CTNNA2: variants seen among roughly 807,000 people sequenced by gnomAD.
CTNNA2 encodes the protein catenin alpha-2.
Under a neutral mutation model 101.0 loss-of-function variants are expected in CTNNA2, and 42 were observed. The observed-to-expected ratio is 0.42, with a 90% confidence interval of 0.32 to 0.54. The LOEUF is 0.54. Ranked by LOEUF, CTNNA2 falls within the 20% of genes least tolerant of loss-of-function variation. CTNNA2 has a pLI of 0.14. For synonymous variants in CTNNA2, 450 were observed against 456.4 expected (o/e 0.99, Z 0.18); for missense variants, 871 against 1,223.1 (o/e 0.71, Z 4.29).
At chr2:80,203,638 A>C (rs572994216) in intron 7 of CTNNA2, among the ~76,000 whole-genome samples, 17 of 152,156 alleles carry the variant, frequency 1.1e-4, no homozygotes, top group Non-Finnish European at 2.2e-4. Flanking sequence ...GGCTGCTTTC[A>C]CAGGCTGGTT....
chr2:80,444,987 C>A (rs1682946055), intron 9 of CTNNA2, among the ~76,000 whole-genome samples: 1 of 152,140 alleles, frequency 6.6e-6, no homozygotes, highest in African/African-American at 2.4e-5. Flanking sequence ...AATATATCCA[C>A]ACGTTGCCCA....
At chr2:80,395,959 C>G (rs915532547) in intron 8 of CTNNA2, among the ~76,000 whole-genome samples, 3 of 152,154 alleles carry the variant, frequency 2.0e-5, no homozygotes, top group African/African-American at 7.2e-5. Flanking sequence ...CCTCATAGCG[C>G]TAAGTTTGGG....
At chr2:79,433,486 C>T (rs1678677872) in intron 4 of CTNNA2, among the ~76,000 whole-genome samples, 1 of 152,008 alleles carries the variant, frequency 6.6e-6, no homozygotes, top group Non-Finnish European at 1.5e-5. Flanking sequence ...TTCATATAAA[C>T]ACCAGGCCTA....
intron 7 of CTNNA2, among the ~76,000 whole-genome samples, chr2:80,123,606 C>A (rs753061904): frequency 2.0e-5 from 3 of 152,190 alleles, no homozygotes; most frequent in Admixed American, 2.0e-4. Flanking sequence ...ACAATCGTTT[C>A]TCAAATCTGA....
At chr2:80,620,968 T>C (rs1671059223) in intron 18 of CTNNA2, among the ~76,000 whole-genome samples, 1 of 151,970 alleles carries the variant, frequency 6.6e-6, no homozygotes, top group African/African-American at 2.4e-5. Flanking sequence ...TATAGTGATG[T>C]TCAGTGTTTT....
At chr2:79,867,830 G>A (rs1682259182) in intron 4 of CTNNA2, among the ~76,000 whole-genome samples, 1 of 152,008 alleles carries the variant, frequency 6.6e-6, no homozygotes, top group Non-Finnish European at 1.5e-5. Context: ...CTCTTCCCTG[G>A]AACCAGTTTT....
At chr2:79,777,214 G>T (rs1412358966) in intron 3 of CTNNA2, 2 of 151,776 alleles carry the variant, frequency 1.3e-5, no homozygotes, top group African/African-American at 4.8e-5. Context: ...GGTCCTCATG[G>T]GGCCCCTACC....
intron 7 of CTNNA2, among the ~76,000 whole-genome samples, chr2:79,932,179 A>C (rs747160647): frequency 2.6e-5 from 4 of 152,090 alleles, no homozygotes; most frequent in Non-Finnish European, 5.9e-5. Flanking sequence ...CTGAGCCCTA[A>C]AGGCTATGGG....
At chr2:80,013,218 A>C (rs1452229226) in intron 7 of CTNNA2, among the ~76,000 whole-genome samples, 1 of 152,150 alleles carries the variant, frequency 6.6e-6, no homozygotes, top group Non-Finnish European at 1.5e-5. Context: ...AACCCCTGGT[A>C]GTTTACATTC....
chr2:80,430,225 T>G (rs769618654), intron 9 of CTNNA2, among the ~76,000 whole-genome samples: 5 of 152,108 alleles, frequency 3.3e-5, no homozygotes, highest in Non-Finnish European at 5.9e-5. Flanking sequence ...CAAAGAAATA[T>G]CCAGAAAATA....
At position 79,949,736 on chromosome 2, in the gene CTNNA2, C is replaced by A. The variant is rs1284190593; in HGVS notation, c.1056+39939C>A. Among the ~76,000 whole-genome samples the A allele has an allele frequency of 3.3e-5, 5 of 152,268 alleles. No homozygotes were observed. In the East Asian group the frequency reaches 9.6e-4, roughly 29 times the overall value. On this transcript the variant is annotated intron_variant, in intron 7 of 18. Coordinates refer to ENST00000402739, the MANE Select transcript of CTNNA2 (RefSeq NM_001282597.3). Reference sequence around the variant, plus strand: ...GAGGCTGTAGGGACCCATGATCACACCACTGCCCTCCAGCCTGGGTGAAAG... The same window carrying A: ...GAGGCTGTAGGGACCCATGATCACAACACTGCCCTCCAGCCTGGGTGAAAG...
intron 3 of CTNNA2, among the ~76,000 whole-genome samples, chr2:79,344,847 A>ATTATATATATAATATATTATAT (rs1677223139): frequency 1.4e-5 from 2 of 145,218 alleles, no homozygotes; most frequent in Non-Finnish European, 1.5e-5. Flanking sequence ...TAATACAAAT[A>ATTATATATATAATATATTATAT]TTATATATAT....
rs1392100636 is a variant in CTNNA2, at chr2:80,341,702, C to T, written c.1057-51509C>T. 3.3e-5 allele frequency among the ~76,000 whole-genome samples: 5 copies of T among 152,100 alleles called. No individual in the cohort carries two copies. In the East Asian group the frequency reaches 7.7e-4, roughly 23 times the overall value. On this transcript the variant is annotated intron_variant, in intron 7 of 18. Coordinates refer to ENST00000402739, the MANE Select transcript of CTNNA2 (RefSeq NM_001282597.3). ...GGTACAGCTACTTTGCAAAATAGTT[C>T]GGTAGGTTCTCAAGTTGCTAAATAT...
chr2:79,331,997 T>C (rs1676883837), intron 3 of CTNNA2, among the ~76,000 whole-genome samples: 1 of 152,116 alleles, frequency 6.6e-6, no homozygotes, highest in Non-Finnish European at 1.5e-5. Context: ...TAAATATATG[T>C]CATGACATAT....
chr2:80,119,767 G>A (rs1233334446), intron 7 of CTNNA2, among the ~76,000 whole-genome samples: 1 of 152,128 alleles, frequency 6.6e-6, no homozygotes, highest in African/African-American at 2.4e-5. Context: ...TATGCTGTAA[G>A]GGGAGGAGAG....
chr2:79,312,854 C>G (rs1049674073), intron 3 of CTNNA2: 1 of 152,198 alleles, frequency 6.6e-6, no homozygotes. Flanking sequence ...TATCCAATCA[C>G]TTTTATTGTT....
At chr2:80,601,190 T>A (rs182518) in intron 15 of CTNNA2, among the ~76,000 whole-genome samples, 1 of 151,806 alleles carries the variant, frequency 6.6e-6, no homozygotes, top group Non-Finnish European at 1.5e-5. Flanking sequence ...GTCATTTCTT[T>A]GGGTTTTTTC....
At chr2:80,183,794 C>G (rs892142437) in intron 7 of CTNNA2, among the ~76,000 whole-genome samples, 1 of 152,098 alleles carries the variant, frequency 6.6e-6, no homozygotes, top group Non-Finnish European at 1.5e-5. Flanking sequence ...TTTTGCTTCA[C>G]TTAACTTTTT....
At chr2:79,384,546 A>G (rs935294932) in intron 4 of CTNNA2, among the ~76,000 whole-genome samples, 2 of 152,132 alleles carry the variant, frequency 1.3e-5, no homozygotes, top group African/African-American at 2.4e-5. Flanking sequence ...GCTGTGATAT[A>G]TACTAAGTGG....
Sources: allele counts gnomAD v4.1 joint callset (sites outside exome capture counted in the v4.1 genomes callset), GRCh38; gene constraint gnomAD v4.1.1; transcripts MANE v1.5; gene names NCBI Gene and HGNC (gene_info 2026-07-23, HGNC 2026-07-21).